PLCH2: variants seen among roughly 807,000 people sequenced by gnomAD.
The protein encoded by PLCH2 is phospholipase C eta 2.
In PLCH2, 98 loss-of-function variants were observed where a neutral mutation model predicts 134.7. That is an observed-to-expected ratio of 0.73 (90% CI 0.62 to 0.86). The LOEUF (loss-of-function observed/expected upper bound fraction) is 0.86. PLCH2 is among the 40% of genes least tolerant of loss of function. The pLI, the probability that PLCH2 is intolerant of heterozygous loss-of-function variation, is 0.00. For missense variants in PLCH2, 1,994 were observed against 1,986.6 expected, an observed-to-expected ratio of 1.00 and a Z score of -0.07; for synonymous variants, 974 against 827.5, an observed-to-expected ratio of 1.18 and a Z score of -3.04.
rs764249456 is a variant in PLCH2, at chr1:2,498,473, G to A, written c.2225-50G>A. 36 of 1,578,980 alleles carry A rather than the reference G, an allele frequency of 2.3e-5. No homozygotes were observed. The South Asian group carries it at 3.9e-4, about 17-fold the overall frequency. On this transcript the variant is annotated intron_variant, in intron 16 of 21. Coordinates refer to ENST00000378486, the MANE Select transcript of PLCH2 (RefSeq NM_014638.4). This position sits in a 1 kb window ranked among gnomAD's most constrained non-coding sequence, Gnocchi z 5.4. ...TTGGCAGCCATGCCCCAGCAAGCAGGGGGCTTGCTGAGGGCTGGGCCACTG... is the reference window on the plus strand; with the variant it reads ...TTGGCAGCCATGCCCCAGCAAGCAGAGGGCTTGCTGAGGGCTGGGCCACTG...
intron 2 of PLCH2, among the ~76,000 whole-genome samples, chr1:2,431,016 G>A (rs1045622882): frequency 2.0e-5 from 3 of 152,200 alleles, no homozygotes; most frequent in East Asian, 1.9e-4. Context: ...AAGGCCTCCC[G>A]ATGTGGCGGA....
chr1:2,455,806 C>G (rs571927334), intron 2 of PLCH2, among the ~76,000 whole-genome samples: 9 of 152,184 alleles, frequency 5.9e-5, no homozygotes, highest in African/African-American at 1.7e-4. Context: ...CCTCCACCCC[C>G]CTGCAGGGCC....
At chr1:2,447,140 G>A (rs1341401124) in intron 2 of PLCH2, among the ~76,000 whole-genome samples, 1 of 152,204 alleles carries the variant, frequency 6.6e-6, no homozygotes, top group East Asian at 1.9e-4. Flanking sequence ...TGCCTTCTGA[G>A]CTCCCAGTGC....
intron 5 of PLCH2, among the ~76,000 whole-genome samples, chr1:2,485,994 G>A (rs1009888827): frequency 6.6e-6 from 1 of 152,132 alleles, no homozygotes; most frequent in Non-Finnish European, 1.5e-5. Context: ...GGGACGCATG[G>A]CCCAGGCAGG....
At chr1:2,416,581 C>T in the PLCH2 span, among the ~76,000 whole-genome samples, 19 of 152,074 alleles carry the variant, frequency 1.2e-4, no homozygotes, top group African/African-American at 4.6e-4. Flanking sequence ...GCACTGGGCC[C>T]AGGGAGGGGA....
intron 2 of PLCH2, among the ~76,000 whole-genome samples, chr1:2,453,210 C>A (rs1640328617): frequency 6.6e-6 from 1 of 152,168 alleles, no homozygotes; most frequent in African/African-American, 2.4e-5. Context: ...AGTCTGCCCC[C>A]CGACAGCGCC....
chr1:2,482,025 G>C lies in PLCH2; in HGVS notation c.645+1713G>C, dbSNP rs114424485. On this transcript the variant is annotated intron_variant, in intron 4 of 21. Transcript: ENST00000378486. ...TCAAACCTAAGATAAGGCTGGAAGTGGGCTGGACCCAGTGGGGCCTAATTG... is the reference window on the plus strand; with the variant it reads ...TCAAACCTAAGATAAGGCTGGAAGTCGGCTGGACCCAGTGGGGCCTAATTG... 7.3e-3 allele frequency among the ~76,000 whole-genome samples: 1,112 copies of C among 152,384 alleles called. 3 individuals are homozygous for C. Among genetic ancestry groups the C allele is most frequent in the Non-Finnish European group, 9.1e-3 (622 of 68,036 alleles).
At position 2,444,636 on chromosome 1, in the gene PLCH2, G is replaced by A. The variant is rs1639854725; in HGVS notation, c.115+14007G>A. Among the ~76,000 whole-genome samples the A allele has an allele frequency of 6.6e-6, 1 of 152,110 alleles. No homozygotes were observed. The highest frequency in any genetic ancestry group is 6.5e-5 in the Admixed American group (1 of 15,280). ...ATGGGCTCTGCTGGAGCTGGTGGAG[G>A]AAGATGCCAAGGAGATAAGAGGCTT... On this transcript the variant is annotated intron_variant, in intron 2 of 3. Transcript: ENST00000609981. This position sits in a 1 kb window ranked among gnomAD's most constrained non-coding sequence, Gnocchi z 4.6.
At position 2,452,306 on chromosome 1, in the gene PLCH2, C is replaced by G. The variant is rs190556128; in HGVS notation, c.115+21677C>G. Reference sequence around the variant, plus strand: ...CCCCCTGCCGCCCCCCATCCCCCGGCCCTGCCTGGCAGGTAGCAGCCCCGT... The same window carrying G: ...CCCCCTGCCGCCCCCCATCCCCCGGGCCTGCCTGGCAGGTAGCAGCCCCGT... On this transcript the variant is annotated intron_variant, in intron 2 of 3. Transcript: ENST00000609981. 2.9e-4 allele frequency among the ~76,000 whole-genome samples: 44 copies of G among 152,344 alleles called. 1 individual carries two copies. The East Asian group carries it at 7.3e-3, about 25-fold the overall frequency.
At chr1:2,423,336 T>TC (rs1269755403), upstream of PLCH2, among the ~76,000 whole-genome samples, 1 of 152,018 alleles carries the variant, frequency 6.6e-6, no homozygotes. Flanking sequence ...CACAGGCACA[T>TC]CCCCCCACAC....
chr1:2,494,629 G>A (rs775976160), intron 11 of PLCH2: 4 of 589,298 alleles, frequency 6.8e-6, no homozygotes, highest in Admixed American at 6.0e-5. Context: ...CTTTCAGGCC[G>A]CTTCTCCTCG....
At chr1:2,454,877 G>A (rs747965888) in intron 2 of PLCH2, among the ~76,000 whole-genome samples, 1 of 152,152 alleles carries the variant, frequency 6.6e-6, no homozygotes, top group Non-Finnish European at 1.5e-5. Context: ...GGTGGCTCGC[G>A]GCTCAGGAGC....
chr1:2,503,464 G>A, intron 21 of PLCH2: 2 of 607,608 alleles, frequency 3.3e-6, no homozygotes, highest in Non-Finnish European at 5.9e-6. Context: ...GGGCCCCAGG[G>A]CTTCGCTGCT....
chr1:2,469,948 C>G (rs1255898238), intron 1 of PLCH2, among the ~76,000 whole-genome samples: 5 of 152,208 alleles, frequency 3.3e-5, no homozygotes, highest in African/African-American at 1.2e-4. Flanking sequence ...CTGGAGACAA[C>G]AGTGAGCCAC....
upstream of PLCH2, among the ~76,000 whole-genome samples, chr1:2,464,873 C>T (rs145313637): frequency 0.024 from 3,630 of 152,340 alleles, 83 homozygotes; most frequent in Non-Finnish European, 0.032. Flanking sequence ...CTCGGGCTCA[C>T]GGCCAGCTCT....
chr1:2,495,326 C>T (rs1180007169), intron 12 of PLCH2, among the ~76,000 whole-genome samples, 162 bp from the exon 13 acceptor site: 1 of 152,182 alleles, frequency 6.6e-6, no homozygotes, highest in Non-Finnish European at 1.5e-5. Flanking sequence ...ATCGAGAGGG[C>T]ACCGAGGAGG....
At position 2,448,063 on chromosome 1, in the gene PLCH2, G is replaced by A. The variant is rs1403305735; in HGVS notation, c.115+17434G>A. Among the ~76,000 whole-genome samples, 2 of 152,138 alleles carry A rather than the reference G, an allele frequency of 1.3e-5. No homozygotes were observed. The highest frequency in any genetic ancestry group is 1.5e-5 in the Non-Finnish European group (1 of 68,004). ...CTGCTGTGGTCCTTTTTCCCTGGTC[G>A]TGGCCTCCAGGCAGCCAAACCCAGG... On this transcript the variant is annotated intron_variant, in intron 2 of 3. Coordinates refer to the PLCH2 transcript ENST00000609981. The surrounding 1 kb of genome is among the most constrained non-coding windows in gnomAD (Gnocchi z 4.0).
chr1:2,432,459 G>A (rs1206753002), intron 2 of PLCH2, among the ~76,000 whole-genome samples: 1 of 152,210 alleles, frequency 6.6e-6, no homozygotes, highest in African/African-American at 2.4e-5. Flanking sequence ...CCTTACCCCA[G>A]TTCTTGTGTA....
chr1:2,443,510 G>C (rs950272538), intron 2 of PLCH2, among the ~76,000 whole-genome samples: 1 of 152,120 alleles, frequency 6.6e-6, no homozygotes, highest in Non-Finnish European at 1.5e-5. Context: ...GGGAGGCGGA[G>C]GGGGAGGTGT....
Sources: allele counts gnomAD v4.1 joint callset (sites outside exome capture counted in the v4.1 genomes callset), GRCh38; gene constraint gnomAD v4.1.1; non-coding constraint Gnocchi (gnomAD v3.1); transcripts MANE v1.5; gene names NCBI Gene and HGNC (gene_info 2026-07-23, HGNC 2026-07-21).